ACAA2: variants seen among roughly 807,000 people sequenced by gnomAD.
ACAA2 encodes 3-ketoacyl-CoA thiolase, mitochondrial.
Under a neutral mutation model 44.8 loss-of-function variants are expected in ACAA2, and 35 were observed. That is an observed-to-expected ratio of 0.78 (90% confidence interval 0.60 to 1.04). The LOEUF (loss-of-function observed/expected upper bound fraction) is 1.04. Among genes scored for constraint, ACAA2 ranks in the 50% least tolerant of loss-of-function variants. The probability of loss-of-function intolerance (pLI) is 0.00; values close to 1 mark genes in which losing one functional copy is unlikely to be tolerated. For missense variants in ACAA2, 468 were observed against 482.6 expected (o/e 0.97, Z 0.28); for synonymous variants, 142 against 166.5 (o/e 0.85, Z 1.13).
intron 9 of ACAA2, 26 bp from the exon 10 acceptor site, chr18:49,783,957 T>A (rs1306775819): frequency 6.3e-7 from 1 of 1,587,278 alleles, no homozygotes; most frequent in Admixed American, 1.7e-5. Flanking sequence ...GTGACTGAAA[T>A]CTACTCTAAT....
At position 49,786,904 on chromosome 18, in the gene ACAA2, CTTGTAGAT is replaced by C. The variant is rs1240058717; in HGVS notation, c.954+379_954+386del. ...TCTATCTGGCGAGAAGGGCAAGAAA[CTTGTAGAT>C]TTGGCACTAAATATTGCTTTTCTAT... On this transcript the variant is annotated intron_variant, in intron 8 of 9. Coordinates refer to ENST00000285093, the MANE Select transcript of ACAA2 (RefSeq NM_006111.3). 1.3e-4 allele frequency among the ~76,000 whole-genome samples: 20 copies of C among 152,204 alleles called. No homozygotes were observed. The East Asian group carries it at 2.9e-3, about 22-fold the overall frequency.
At chr18:49,798,740 C>T (rs1158811260) in intron 2 of ACAA2, among the ~76,000 whole-genome samples, 2 of 152,100 alleles carry the variant, frequency 1.3e-5, no homozygotes, top group African/African-American at 4.8e-5. Flanking sequence ...AATCTACTAA[C>T]TAAATGTTTC....
At chr18:49,797,695 TAAAC>T (rs1435015682) in intron 2 of ACAA2, 101 bp from the exon 3 acceptor site, 6 of 970,364 alleles carry the variant, frequency 6.2e-6, no homozygotes, top group Admixed American at 2.8e-5. Context: ...TCAAAAATGA[TAAAC>T]TATATGGCTC....
intron 1 of ACAA2, 54 bp downstream of exon 1, chr18:49,813,415 C>G: frequency 8.2e-7 from 1 of 1,219,860 alleles, no homozygotes; most frequent in African/African-American, 1.6e-5. Flanking sequence ...GAGGCCTGGC[C>G]TGGGGAGGGC....
chr18:49,797,326 G>T, intron 3 of ACAA2, 140 bp downstream of exon 3: 1 of 580,796 alleles, frequency 1.7e-6, no homozygotes, highest in Non-Finnish European at 2.8e-6. Flanking sequence ...TGGCTGGAGT[G>T]CAGTGGTATG....
intron 1 of ACAA2, chr18:49,811,642 T>C (rs1009256659): frequency 2.6e-5 from 4 of 152,168 alleles, no homozygotes; most frequent in African/African-American, 9.7e-5. Flanking sequence ...AAACACTTGG[T>C]ATGCTGCTTG....
chr18:49,792,147 C>T lies in ACAA2; in HGVS notation c.753+5G>A. ...ATTCAAGCTAATCTGTGTGGTGATA[C>T]CAACCGATGCATTCCCTGCAGTAAC... On this transcript the variant is annotated splice_donor_5th_base_variant and intron_variant, in intron 6 of 9. Transcript: ENST00000285093. 1.2e-6 allele frequency: 2 copies of T among 1,610,784 alleles called. No homozygotes were observed. The highest frequency in any genetic ancestry group is 8.5e-7 in the Non-Finnish European group (1 of 1,177,658).
chr18:49,803,272 TAATAATAA>T (rs2023577375), intron 1 of ACAA2, among the ~76,000 whole-genome samples: 1 of 148,886 alleles, frequency 6.7e-6, no homozygotes, highest in African/African-American at 2.5e-5. Context: ...ATAATAATAA[TAATAATAA>T]TATCAATCCC....
rs1324712327 is a variant in ACAA2, at chr18:49,787,278, A to AAAAC, written c.954+12_954+13insGTTT. ...ATGTTGTTAAAAAAAAAAAAAAAAA[A>AAAAC]AAAAACACTTACCTCTACCAAATCC... On this transcript the variant is annotated intron_variant, in intron 8 of 9. Coordinates refer to ENST00000285093, the MANE Select transcript of ACAA2 (RefSeq NM_006111.3). The AAAAC allele has an allele frequency of 2.7e-6, 4 of 1,465,796 alleles. No individual in the cohort carries two copies. Among genetic ancestry groups the AAAAC allele is most frequent in the African/African-American group, 3.0e-5 (2 of 67,528 alleles). The allele number at this position is 1,465,796 out of a possible 1,614,324, so 90.8% of individuals were successfully genotyped here. A position where few individuals can be genotyped will look rare whatever the true frequency, so the allele number is the denominator to read the frequency against.
intron 1 of ACAA2, among the ~76,000 whole-genome samples, chr18:49,812,383 TA>T (rs34359224): frequency 0.99 from 150,653 of 152,288 alleles, 74,521 homozygotes; most frequent in Middle Eastern, 1. Context: ...CCTCACTCTG[TA>T]AAGTGGCATC....
rs1178968756 is a variant in ACAA2, at chr18:49,782,959, GC to G, written c.*887del. On this transcript the variant is annotated 3_prime_UTR_variant, in exon 10 of 10. Transcript: ENST00000285093. ...ATGAAGTTAACAAGAATAGGGCCTT[GC>G]CCTACTAGATATCCAGTCTTAGAAC... The G allele has an allele frequency of 6.6e-6, 1 of 152,086 alleles. No homozygotes were observed. The highest frequency in any genetic ancestry group is 1.9e-4 in the East Asian group (1 of 5,188). 9.4% of individuals were successfully genotyped at this position (152,086 alleles called of 1,614,324 possible). A position where few individuals can be genotyped will look rare whatever the true frequency, so the allele number is the denominator to read the frequency against.
At chr18:49,809,689 T>C (rs1196970965) in intron 1 of ACAA2, among the ~76,000 whole-genome samples, 1 of 152,178 alleles carries the variant, frequency 6.6e-6, no homozygotes, top group Non-Finnish European at 1.5e-5. Context: ...ATGGAGACAG[T>C]AAAAAGATCA....
intron 2 of ACAA2, among the ~76,000 whole-genome samples, chr18:49,801,978 T>C (rs926404250): frequency 6.6e-6 from 1 of 152,026 alleles, no homozygotes; most frequent in Admixed American, 6.5e-5. Flanking sequence ...ACATCACACA[T>C]AGCAAGACAG....
chr18:49,797,265 C>CTTTTTTTTTT (rs11392686), intron 3 of ACAA2, among the ~76,000 whole-genome samples: 1 of 143,798 alleles, frequency 7.0e-6, no homozygotes. Flanking sequence ...TCATTATTAG[C>CTTTTTTTTTT]TTTTTTTTTT....
chr18:49,805,113 C>A (rs2023597490), intron 1 of ACAA2, among the ~76,000 whole-genome samples: 1 of 152,210 alleles, frequency 6.6e-6, no homozygotes, highest in Non-Finnish European at 1.5e-5. Flanking sequence ...CCAAGACAAT[C>A]TAAGCTCACA....
At chr18:49,786,480 A>AAGTGGAAGAGATTT (rs1347456564) in intron 8 of ACAA2, 3 of 152,228 alleles carry the variant, frequency 2.0e-5, no homozygotes, top group African/African-American at 7.2e-5. Flanking sequence ...GATCTGCTAA[A>AAGTGGAAGAGATTT]AGTGGAAGAG....
At chr18:49,787,636 C>T (rs2023349179) in intron 7 of ACAA2, among the ~76,000 whole-genome samples, 1 of 151,622 alleles carries the variant, frequency 6.6e-6, no homozygotes, top group Non-Finnish European at 1.5e-5. Context: ...CAGCAAGACC[C>T]CATCTCTAAA....
At chr18:49,801,248 C>T (rs555339348) in intron 2 of ACAA2, among the ~76,000 whole-genome samples, 1 of 152,292 alleles carries the variant, frequency 6.6e-6, no homozygotes, top group East Asian at 1.9e-4. Flanking sequence ...ACTTAACATC[C>T]TTACAAGAAA....
chr18:49,792,111 C>CA, intron 6 of ACAA2, 41 bp downstream of exon 6: 2 of 1,555,502 alleles, frequency 1.3e-6, no homozygotes, highest in Non-Finnish European at 1.8e-6. Flanking sequence ...TTGTTGAACA[C>CA]ACCAGGAAGA....
Sources: allele counts gnomAD v4.1 joint callset (sites outside exome capture counted in the v4.1 genomes callset), GRCh38; gene constraint gnomAD v4.1.1; transcripts MANE v1.5; gene names NCBI Gene and HGNC (gene_info 2026-07-23, HGNC 2026-07-21).